The following SYN2 variants were observed in gnomAD, a reference collection of about 807,000 sequenced individuals.
The protein encoded by SYN2 is synapsin II.
A neutral mutation model predicts 50.9 loss-of-function variants in SYN2; 19 were observed. That is an observed-to-expected ratio of 0.37 (90% CI 0.26 to 0.55). The LOEUF (loss-of-function observed/expected upper bound fraction) is 0.55, where lower values mean the gene tolerates loss of function less well. Ranked by LOEUF, SYN2 falls within the 20% of genes least tolerant of loss-of-function variation. The pLI is 0.81. For synonymous variants in SYN2, 255 were observed against 224.9 expected (o/e 1.13, Z -1.20); for missense variants, 587 against 576.4 (o/e 1.02, Z -0.19).
At position 12,050,711 on chromosome 3, in the gene SYN2, C is replaced by CTTTTTTTTTTTTTTTTTTTTT. The variant is rs57099569; in HGVS notation, c.377+45798_377+45818dup. Among the ~76,000 whole-genome samples the CTTTTTTTTTTTTTTTTTTTTT allele has an allele frequency of 3.6e-4, 18 of 50,528 alleles. 6 individuals are homozygous for CTTTTTTTTTTTTTTTTTTTTT. Among genetic ancestry groups the CTTTTTTTTTTTTTTTTTTTTT allele is most frequent in the Admixed American group, 1.5e-3 (4 of 2,720 alleles). 33.1% of individuals were successfully genotyped at this position (50,528 alleles called of 152,430 possible). Reference sequence around the variant, plus strand: ...AATAATCTCATCTTTCTTCTCTTCTCTTTTTTTTTTTTTTTTTTTTTTTTT... The same window carrying CTTTTTTTTTTTTTTTTTTTTT: ...AATAATCTCATCTTTCTTCTCTTCTCTTTTTTTTTTTTTTTTTTTTTTTTTTTTTTTTTTTTTTTTTTTTTT... On this transcript the variant is annotated intron_variant, in intron 1 of 12. Coordinates refer to ENST00000621198, the MANE Select transcript of SYN2 (RefSeq NM_133625.6).
intron 1 of SYN2, among the ~76,000 whole-genome samples, chr3:12,120,284 C>T (rs1450432679): frequency 2.6e-5 from 4 of 151,942 alleles, no homozygotes; most frequent in Admixed American, 2.6e-4. Context: ...TTTTTAACCA[C>T]AGTTTTTTTT....
At chr3:12,135,164 A>G (rs1226552310) in intron 1 of SYN2, among the ~76,000 whole-genome samples, 2 of 152,208 alleles carry the variant, frequency 1.3e-5, no homozygotes, top group Non-Finnish European at 2.9e-5. Context: ...GTGGCTATTC[A>G]GCCAGTGCAG....
intron 8 of SYN2, 21 bp from the exon 9 acceptor site, chr3:12,168,355 A>T (rs1384092667): frequency 6.2e-7 from 1 of 1,606,704 alleles, no homozygotes; most frequent in East Asian, 2.2e-5. Flanking sequence ...CAGCTTCAGG[A>T]CACCTTCCCA....
intron 1 of SYN2, among the ~76,000 whole-genome samples, chr3:12,040,430 CTTTTT>C (rs34991752): frequency 2.7e-5 from 3 of 109,268 alleles, no homozygotes; most frequent in East Asian, 2.5e-4. Context: ...AGTTCTGTTT[CTTTTT>C]TTTTTTTTTT....
At chr3:12,119,391 A>G (rs1450803218) in intron 1 of SYN2, among the ~76,000 whole-genome samples, 1 of 152,166 alleles carries the variant, frequency 6.6e-6, no homozygotes, top group Non-Finnish European at 1.5e-5. Context: ...CCTTGAGGAC[A>G]AGGATAGTGT....
At chr3:12,141,683 A>G (rs1398823729) in intron 2 of SYN2, among the ~76,000 whole-genome samples, 1 of 152,184 alleles carries the variant, frequency 6.6e-6, no homozygotes. Flanking sequence ...CTGAAAAGTT[A>G]CTTAACTGCT....
chr3:12,147,799 T>C (rs181095952), intron 4 of SYN2, among the ~76,000 whole-genome samples: 53 of 152,220 alleles, frequency 3.5e-4, no homozygotes, highest in African/African-American at 1.3e-3. Flanking sequence ...TGTTACAGGC[T>C]CCTAGTGTAT....
At chr3:12,108,652 T>C (rs1012121279) in intron 1 of SYN2, among the ~76,000 whole-genome samples, 1 of 152,204 alleles carries the variant, frequency 6.6e-6, no homozygotes, top group Non-Finnish European at 1.5e-5. Context: ...TTTAATTCTT[T>C]ACCCTCAGGA....
At chr3:12,074,444 T>C (rs1052807808) in intron 1 of SYN2, among the ~76,000 whole-genome samples, 16 of 152,180 alleles carry the variant, frequency 1.1e-4, no homozygotes, top group Non-Finnish European at 4.4e-5. Context: ...TTTCAGTCCA[T>C]TAATTTGGAA....
intron 5 of SYN2, chr3:12,158,657 C>G: frequency 6.2e-7 from 1 of 1,604,886 alleles, no homozygotes; most frequent in East Asian, 2.2e-5. Flanking sequence ...ATACTAATCC[C>G]CCACAACCAC....
chr3:12,116,725 CTAAAATCTAGGGCATACTTTATTTATT>C (rs1424779223), intron 1 of SYN2, among the ~76,000 whole-genome samples: 5 of 152,072 alleles, frequency 3.3e-5, no homozygotes, highest in African/African-American at 1.2e-4. Flanking sequence ...GCTGTGAGCT[CTAAAATCTAGGGCATACTTTATTTATT>C]TATTTTTGTT....
At chr3:12,188,705 G>A (rs1698392291) in intron 12 of SYN2, among the ~76,000 whole-genome samples, 1 of 152,148 alleles carries the variant, frequency 6.6e-6, no homozygotes, top group African/African-American at 2.4e-5. Context: ...CTTTCTCTGG[G>A]TCTTCCAGTC....
At chr3:12,015,826 G>A (rs925242644) in intron 1 of SYN2, among the ~76,000 whole-genome samples, 3 of 152,074 alleles carry the variant, frequency 2.0e-5, no homozygotes, top group Non-Finnish European at 4.4e-5. Flanking sequence ...GGGTTTGTTC[G>A]TTCTTTTCTT....
At chr3:12,098,375 G>A (rs1481514835) in intron 1 of SYN2, among the ~76,000 whole-genome samples, 1 of 152,140 alleles carries the variant, frequency 6.6e-6, no homozygotes, top group African/African-American at 2.4e-5. Context: ...ATTTGTGTCA[G>A]TGGGCATACA....
At chr3:12,097,819 A>G (rs1450918281) in intron 1 of SYN2, among the ~76,000 whole-genome samples, 2 of 152,074 alleles carry the variant, frequency 1.3e-5, no homozygotes, top group African/African-American at 2.4e-5. Context: ...ACACTTGGAC[A>G]CAGAGTGGGG....
At chr3:12,062,487 G>GA (rs1173596414) in intron 1 of SYN2, among the ~76,000 whole-genome samples, 2 of 151,878 alleles carry the variant, frequency 1.3e-5, no homozygotes, top group Non-Finnish European at 2.9e-5. Context: ...ATCTGTGAAA[G>GA]AAAAAAACTG....
intron 1 of SYN2, among the ~76,000 whole-genome samples, chr3:12,118,909 C>T (rs1403766075): frequency 6.6e-6 from 1 of 152,186 alleles, no homozygotes; most frequent in African/African-American, 2.4e-5. Context: ...ATTCTCATTT[C>T]AGCATGTACT....
intron 5 of SYN2, among the ~76,000 whole-genome samples, chr3:12,156,061 A>G (rs1697447617): frequency 6.6e-6 from 1 of 152,168 alleles, no homozygotes; most frequent in African/African-American, 2.4e-5. Flanking sequence ...TTGTTACTGA[A>G]TCTCCACTCT....
intron 1 of SYN2, among the ~76,000 whole-genome samples, chr3:12,080,345 C>G (rs1273183993): frequency 6.6e-6 from 1 of 151,614 alleles, no homozygotes; most frequent in Non-Finnish European, 1.5e-5. Flanking sequence ...CTTCTGCTAG[C>G]TTTGGGGTTT....
Sources: gnomAD v4.1 joint callset for allele counts (sites outside exome capture counted in the v4.1 genomes callset) on GRCh38, gnomAD v4.1.1 for gene constraint, MANE v1.5 for transcripts, NCBI Gene and HGNC (gene_info 2026-07-23, HGNC 2026-07-21) for gene names.